ARHGEF3: variants seen among roughly 807,000 people sequenced by gnomAD.
ARHGEF3 encodes 59.8 kDA protein.
A neutral mutation model predicts 63.2 loss-of-function variants in ARHGEF3; 28 were observed. The observed-to-expected ratio is 0.44, with a 90% CI of 0.33 to 0.61. The LOEUF (loss-of-function observed/expected upper bound fraction) is 0.61, where lower values mean the gene tolerates loss of function less well. Ranked by LOEUF, ARHGEF3 falls within the 20% of genes least tolerant of loss-of-function variation. The pLI is 0.03. For missense variants in ARHGEF3, 533 were observed against 659.3 expected (o/e 0.81, Z 2.10); for synonymous variants, 266 against 254.2 (o/e 1.05, Z -0.44).
chr3:56,943,869 GC>G (rs1307544174), intron 3 of ARHGEF3, among the ~76,000 whole-genome samples: 2 of 149,780 alleles, frequency 1.3e-5, no homozygotes, highest in East Asian at 3.9e-4. Context: ...AGCCAGGATC[GC>G]GCTACTGCAC....
intron 4 of ARHGEF3, among the ~76,000 whole-genome samples, chr3:56,866,533 G>A (rs1418108234): frequency 6.6e-6 from 1 of 152,156 alleles, no homozygotes; most frequent in Non-Finnish European, 1.5e-5. Context: ...TCTCCTCAAA[G>A]TGGCTCCTGT....
chr3:56,747,111 A>AT (rs2034438785), intron 6 of ARHGEF3, among the ~76,000 whole-genome samples: 1 of 148,014 alleles, frequency 6.8e-6, no homozygotes, highest in East Asian at 2.1e-4. Flanking sequence ...CAAACGTGGT[A>AT]CTGTGGCTTG....
intron 1 of ARHGEF3, chr3:57,079,199 G>T: frequency 2.5e-6 from 1 of 397,008 alleles, no homozygotes; most frequent in Non-Finnish European, 4.4e-6. Context: ...CGCGGGAGCG[G>T]GTTTCCCGAC....
rs184606877 is a variant in ARHGEF3 at position 56,731,978 on chromosome 3, G to A, written c.1228+260C>T. ...GGAACTTAAGGAGCACTAACTATGT[G>A]CAGACAGTTTCACTTAGATTATCTT... On this transcript the variant is annotated intron_variant, in intron 9 of 9. Coordinates refer to ENST00000296315, the MANE Select transcript of ARHGEF3 (RefSeq NM_019555.3). 8.7e-4 allele frequency: 518 copies of A among 596,816 alleles called. 6 individuals are homozygous for A. The highest frequency in any genetic ancestry group is 7.8e-3 in the African/African-American group (423 of 53,932). The allele number at this position is 596,816 out of a possible 1,614,324, so 37.0% of individuals were successfully genotyped here. A position where few individuals can be genotyped will look rare whatever the true frequency, so the allele number is the denominator to read the frequency against.
intron 4 of ARHGEF3, among the ~76,000 whole-genome samples, chr3:56,842,870 G>A (rs2039360817): frequency 6.6e-6 from 1 of 152,102 alleles, no homozygotes; most frequent in African/African-American, 2.4e-5. Flanking sequence ...AGTATTTTTA[G>A]TTCATCCTTT....
chr3:56,899,268 G>A (rs1420039105), intron 3 of ARHGEF3, among the ~76,000 whole-genome samples: 1 of 152,176 alleles, frequency 6.6e-6, no homozygotes, highest in African/African-American at 2.4e-5. Context: ...AGTGGCCTCG[G>A]CCATATGGGT....
intron 3 of ARHGEF3, chr3:56,940,206 G>C (rs959462801): frequency 6.6e-6 from 1 of 152,160 alleles, no homozygotes; most frequent in Non-Finnish European, 1.5e-5. Context: ...TGCATTCCAC[G>C]AAATACTTCC....
At chr3:56,973,889 C>A (rs568371907) in intron 2 of ARHGEF3, among the ~76,000 whole-genome samples, 16 of 152,270 alleles carry the variant, frequency 1.1e-4, no homozygotes, top group Admixed American at 1.0e-3. Flanking sequence ...GAGCTCCAAC[C>A]AGACTAGGCA....
At chr3:56,846,357 C>T (rs1251205151) in intron 4 of ARHGEF3, among the ~76,000 whole-genome samples, 2 of 152,178 alleles carry the variant, frequency 1.3e-5, no homozygotes, top group African/African-American at 4.8e-5. Context: ...GGTCTTATAG[C>T]TCAGGGAGAG....
intron 2 of ARHGEF3, among the ~76,000 whole-genome samples, chr3:56,993,824 T>G (rs2106966120): frequency 6.6e-6 from 1 of 151,116 alleles, no homozygotes; most frequent in Admixed American, 6.6e-5. Context: ...TCCCAGCACT[T>G]TGGGAGGCCA....
chr3:57,025,289 C>T (rs1260250038), intron 2 of ARHGEF3, among the ~76,000 whole-genome samples: 1 of 152,148 alleles, frequency 6.6e-6, no homozygotes, highest in African/African-American at 2.4e-5. Context: ...CAGTATTAGT[C>T]ATAAAACTTC....
intron 3 of ARHGEF3, among the ~76,000 whole-genome samples, chr3:56,914,679 T>C (rs1008255354): frequency 3.9e-5 from 6 of 152,202 alleles, no homozygotes; most frequent in African/African-American, 1.2e-4. Context: ...AGGAAGGGAA[T>C]TCTGACACAC....
At chr3:57,042,690 A>ATTTTT (rs1271376418) in intron 1 of ARHGEF3, among the ~76,000 whole-genome samples, 137 of 13,084 alleles carry the variant, frequency 0.01, 7 homozygotes, top group Middle Eastern at 0.045. Flanking sequence ...ATATATATAT[A>ATTTTT]TATATATATA....
intron 2 of ARHGEF3, among the ~76,000 whole-genome samples, chr3:56,761,438 TTC>T (rs1272474822): frequency 4.6e-5 from 7 of 152,126 alleles, no homozygotes; most frequent in Admixed American, 2.0e-4. Flanking sequence ...CCCTCTGCCC[TTC>T]TCTTTTTTTT....
chr3:56,796,227 T>C (rs2037356969), intron 1 of ARHGEF3, among the ~76,000 whole-genome samples: 2 of 152,172 alleles, frequency 1.3e-5, no homozygotes, highest in South Asian at 4.1e-4. Flanking sequence ...TTGTGATCAG[T>C]AATTTATTTT....
In ARHGEF3 at chr3:56,809,753, G is replaced by A. The variant is rs2037997345; in HGVS notation, c.193-35937C>T. Among the ~76,000 whole-genome samples the A allele has an allele frequency of 3.4e-5, 5 of 148,054 alleles. No homozygotes were observed. In the South Asian group the frequency reaches 1.1e-3, roughly 32 times the overall value. On this transcript the variant is annotated intron_variant, in intron 4 of 12. Coordinates refer to the ARHGEF3 transcript ENST00000338458. ...ACTTTACTTTTTTTTTTTCCTTTGT[G>A]ACAGAGTCTCACTTTGTCACCCAGG...
intron 2 of ARHGEF3, among the ~76,000 whole-genome samples, chr3:57,034,664 T>A (rs1331975259): frequency 1.4e-5 from 2 of 145,658 alleles, no homozygotes; most frequent in Non-Finnish European, 1.5e-5. Context: ...TTCTTTTTTT[T>A]TTTTTTTTTT....
In ARHGEF3 at chr3:56,994,064, C is replaced by CAAAAAAAAAAAAAAAAAAAA. The variant is rs60299557; in HGVS notation, c.63-35195_63-35176dup. On this transcript the variant is annotated intron_variant, in intron 2 of 12. Coordinates refer to the ARHGEF3 transcript ENST00000338458. ...GGGCGACAAGAGTGAAACTTCGTCTCAAAAAAAAAAAAAAAAAAAAAGCAC... is the reference window on the plus strand; with the variant it reads ...GGGCGACAAGAGTGAAACTTCGTCTCAAAAAAAAAAAAAAAAAAAAAAAAAAAAAAAAAAAAAAAAAGCAC... Among the ~76,000 whole-genome samples, 469 of 59,602 alleles carry CAAAAAAAAAAAAAAAAAAAA rather than the reference C, an allele frequency of 7.9e-3. 82 individuals are homozygous for CAAAAAAAAAAAAAAAAAAAA. The highest frequency in any genetic ancestry group is 0.01 in the Non-Finnish European group (302 of 29,848). The allele number at this position is 59,602 out of a possible 152,430, so 39.1% of individuals were successfully genotyped here. A position where few individuals can be genotyped will look rare whatever the true frequency, so the allele number is the denominator to read the frequency against.
chr3:57,007,004 C>G (rs1244738936), intron 2 of ARHGEF3, among the ~76,000 whole-genome samples: 1 of 152,136 alleles, frequency 6.6e-6, no homozygotes, highest in Non-Finnish European at 1.5e-5. Flanking sequence ...TGGTTCTGCC[C>G]GTGGAGGGGC....
Sources: gnomAD v4.1 joint callset for allele counts (sites outside exome capture counted in the v4.1 genomes callset) on GRCh38, gnomAD v4.1.1 for gene constraint, MANE v1.5 for transcripts, NCBI Gene and HGNC (gene_info 2026-07-23, HGNC 2026-07-21) for gene names.